Variants in PTCHD4 observed in about 807,000 individuals in gnomAD.
The protein encoded by PTCHD4 is patched domain containing 4, also known as patched domain-containing protein 4.
Under a neutral mutation model 58.1 loss-of-function variants are expected in PTCHD4, and 33 were observed. That is an observed-to-expected ratio of 0.57 (90% CI 0.43 to 0.76). PTCHD4 has a LOEUF of 0.76. Among genes scored for constraint, PTCHD4 ranks in the 30% least tolerant of loss-of-function variants. The pLI is 0.00. For synonymous variants in PTCHD4, 478 were observed against 409.6 expected (o/e 1.17, Z -2.02); for missense variants, 1,058 against 1,027.1 (o/e 1.03, Z -0.41).
intron 3 of PTCHD4, among the ~76,000 whole-genome samples, chr6:48,027,972 C>T (rs1259433585): frequency 1.3e-5 from 2 of 152,008 alleles, no homozygotes; most frequent in Admixed American, 6.6e-5. Context: ...GAGACAGTCT[C>T]GCTCTATTGC....
At chr6:48,084,680 A>T (rs1384664764) in intron 1 of PTCHD4, among the ~76,000 whole-genome samples, 2 of 151,102 alleles carry the variant, frequency 1.3e-5, no homozygotes, top group Non-Finnish European at 3.0e-5. Context: ...TAATTTCAAA[A>T]CCGCTCAGTG....
rs1326331995 is a variant in PTCHD4 at position 47,867,455 on chromosome 6, G to GC, written c.*10847dup. Among the ~76,000 whole-genome samples, 1 of 151,678 alleles carries GC rather than the reference G, an allele frequency of 6.6e-6. No homozygotes were observed. The highest frequency in any genetic ancestry group is 2.4e-5 in the African/African-American group (1 of 41,324). ...TTTGTAAACCATTCACTGCATTTAAGCCCAAGGATACATCATAAAAAGAGC... is the reference window on the plus strand; with the variant it reads ...TTTGTAAACCATTCACTGCATTTAAGCCCCAAGGATACATCATAAAAAGAGC... On this transcript the variant is annotated 3_prime_UTR_variant, in exon 5 of 5. Coordinates refer to ENST00000339488, the MANE Select transcript of PTCHD4 (RefSeq NM_001384253.1).
At chr6:47,950,643 C>G (rs1766607980) in intron 4 of PTCHD4, among the ~76,000 whole-genome samples, 1 of 152,052 alleles carries the variant, frequency 6.6e-6, no homozygotes. Context: ...TATTAGACAT[C>G]TAAATGGAAT....
intron 4 of PTCHD4, among the ~76,000 whole-genome samples, chr6:47,924,450 G>T (rs1765531178): frequency 6.6e-6 from 1 of 152,154 alleles, no homozygotes; most frequent in Non-Finnish European, 1.5e-5. Context: ...GGGTAAGTGG[G>T]TAAAGACCCC....
intron 4 of PTCHD4, among the ~76,000 whole-genome samples, chr6:47,920,332 CCT>C (rs1765391297): frequency 6.6e-6 from 1 of 152,078 alleles, no homozygotes; most frequent in African/African-American, 2.4e-5. Flanking sequence ...AGGATTTTTA[CCT>C]GAGTGATTGT....
chr6:47,988,639 C>T (rs1441606125), intron 4 of PTCHD4, among the ~76,000 whole-genome samples: 1 of 152,156 alleles, frequency 6.6e-6, no homozygotes, highest in Non-Finnish European at 1.5e-5. Context: ...GAATAGGTCT[C>T]ATGAAATCTG....
intron 1 of PTCHD4, among the ~76,000 whole-genome samples, chr6:48,078,323 C>T (rs1765098048): frequency 6.6e-6 from 1 of 152,110 alleles, no homozygotes; most frequent in African/African-American, 2.4e-5. Flanking sequence ...GCCCACCACT[C>T]AAGAACACAA....
At chr6:48,030,773 A>C (rs1194645953) in intron 3 of PTCHD4, among the ~76,000 whole-genome samples, 3 of 152,152 alleles carry the variant, frequency 2.0e-5, no homozygotes, top group Admixed American at 6.6e-5. Flanking sequence ...CCAACCAAAC[A>C]TCTAGAAATC....
intron 3 of PTCHD4, among the ~76,000 whole-genome samples, chr6:48,031,685 T>G (rs1054030312): frequency 6.6e-6 from 1 of 152,038 alleles, no homozygotes; most frequent in African/African-American, 2.4e-5. Flanking sequence ...TAACACCTCT[T>G]GTATAGTCTC....
chr6:48,066,916 G>T lies in PTCHD4; in HGVS notation c.417+1314C>A, dbSNP rs370697508. Among the ~76,000 whole-genome samples the T allele has an allele frequency of 4.1e-5, 6 of 145,984 alleles. No individual in the cohort carries two copies. In the East Asian group the frequency reaches 6.0e-4, roughly 15 times the overall value. Reference sequence around the variant, plus strand: ...TTTTCTCTCAAAACTCCTGAAAAAGGTTTTTTTTTTTAATGTATAGATGCC... The same window carrying T: ...TTTTCTCTCAAAACTCCTGAAAAAGTTTTTTTTTTTTAATGTATAGATGCC... On this transcript the variant is annotated intron_variant, in intron 3 of 4. Transcript: ENST00000339488.
chr6:47,884,814 G>A (rs1014889169), intron 4 of PTCHD4, among the ~76,000 whole-genome samples: 2 of 152,218 alleles, frequency 1.3e-5, no homozygotes, highest in African/African-American at 2.4e-5. Context: ...CTTCCTGAGG[G>A]ATCAGGGAAA....
chr6:47,912,526 T>C (rs1765102893), intron 4 of PTCHD4, among the ~76,000 whole-genome samples: 3 of 152,174 alleles, frequency 2.0e-5, no homozygotes, highest in Admixed American at 2.0e-4. Context: ...CCTCTCTACA[T>C]GTCCATTTTT....
intron 4 of PTCHD4, among the ~76,000 whole-genome samples, chr6:47,941,538 G>A (rs1051744994): frequency 1.3e-5 from 2 of 152,162 alleles, no homozygotes; most frequent in Non-Finnish European, 2.9e-5. Flanking sequence ...ATGAATCCAC[G>A]TGGTATAGAC....
intron 1 of PTCHD4, among the ~76,000 whole-genome samples, chr6:48,106,146 A>T (rs1010423680): frequency 1.3e-5 from 2 of 152,216 alleles, no homozygotes; most frequent in South Asian, 4.1e-4. Flanking sequence ...GAGACGCAAC[A>T]AAAAAAGAGA....
intron 4 of PTCHD4, chr6:47,899,465 T>G: frequency 5.2e-6 from 2 of 384,648 alleles, no homozygotes; most frequent in Non-Finnish European, 7.1e-6. Context: ...GTATAGCTGT[T>G]GAAGATTCTT....
At chr6:47,900,362 T>C (rs7746086) in intron 4 of PTCHD4, 100,149 of 152,090 alleles carry the variant, frequency 0.66, 33,301 homozygotes, top group East Asian at 0.78. Context: ...TTGCATTTCT[T>C]TAATAACTAA....
intron 4 of PTCHD4, among the ~76,000 whole-genome samples, chr6:47,970,015 G>T (rs948556721): frequency 6.6e-5 from 10 of 152,186 alleles, no homozygotes; most frequent in Non-Finnish European, 2.9e-5. Context: ...AGTTCCTAAA[G>T]GTGAGAGCAC....
At chr6:48,072,085 C>G (rs1764985707) in intron 1 of PTCHD4, among the ~76,000 whole-genome samples, 1 of 152,144 alleles carries the variant, frequency 6.6e-6, no homozygotes. Context: ...TAAAGTTAAT[C>G]TTTTTACTAT....
chr6:47,886,676 A>G (rs953988357), intron 4 of PTCHD4, among the ~76,000 whole-genome samples: 4 of 152,120 alleles, frequency 2.6e-5, no homozygotes, highest in African/African-American at 9.7e-5. Context: ...TCAACTGAAA[A>G]CTCAGTCCAG....
Sources: gnomAD v4.1 joint callset for allele counts (sites outside exome capture counted in the v4.1 genomes callset) on GRCh38, gnomAD v4.1.1 for gene constraint, MANE v1.5 for transcripts, NCBI Gene and HGNC (gene_info 2026-07-23, HGNC 2026-07-21) for gene names.